Variants in AGPAT3 observed in about 807,000 individuals in gnomAD.
AGPAT3 encodes the protein 1-acylglycerol-3-phosphate O-acyltransferase 3, also known as 1-acyl-sn-glycerol-3-phosphate acyltransferase gamma.
In AGPAT3, 5 loss-of-function variants were observed where a neutral mutation model predicts 47.3. That is an observed-to-expected ratio of 0.11 (90% confidence interval 0.06 to 0.22). AGPAT3 has a LOEUF of 0.22. Ranked by LOEUF, AGPAT3 falls within the 10% of genes least tolerant of loss-of-function variation. AGPAT3 has a pLI of 1.00. For missense variants in AGPAT3, 315 were observed against 493.0 expected (o/e 0.64, Z 3.42); for synonymous variants, 212 against 208.3 (o/e 1.02, Z -0.15).
At chr21:43,979,155 C>G (rs185907020) in intron 8 of AGPAT3, among the ~76,000 whole-genome samples, 168 of 152,170 alleles carry the variant, frequency 1.1e-3, no homozygotes, top group African/African-American at 3.9e-3. Context: ...AAAAAATTAG[C>G]TGGGCCTGGT....
chr21:43,964,576 A>G (rs1331540396), intron 3 of AGPAT3, among the ~76,000 whole-genome samples: 1 of 152,216 alleles, frequency 6.6e-6, no homozygotes, highest in Non-Finnish European at 1.5e-5. Flanking sequence ...TTAGAAAAAG[A>G]TAAAGAAAAA....
At chr21:43,909,769 G>C (rs563293849) in intron 2 of AGPAT3, among the ~76,000 whole-genome samples, 4 of 152,224 alleles carry the variant, frequency 2.6e-5, no homozygotes, top group African/African-American at 9.6e-5. Flanking sequence ...GTGGATCTCC[G>C]AGAAGCCACT....
intron 1 of AGPAT3, among the ~76,000 whole-genome samples, chr21:43,876,125 C>G (rs2085727816): frequency 6.6e-6 from 1 of 152,040 alleles, no homozygotes; most frequent in East Asian, 1.9e-4. Context: ...TTATATTTTT[C>G]ATTCCTGAAA....
chr21:43,945,045 G>A (rs887743746), intron 2 of AGPAT3, among the ~76,000 whole-genome samples: 3 of 152,252 alleles, frequency 2.0e-5, no homozygotes, highest in African/African-American at 7.2e-5. Context: ...GGAGGGCAGA[G>A]CCGTAGCCAC....
intron 8 of AGPAT3, 109 bp downstream of exon 8, chr21:43,978,230 G>A (rs2089694906): frequency 2.7e-6 from 2 of 734,570 alleles, no homozygotes; most frequent in Admixed American, 2.4e-5. Flanking sequence ...AGACAGGAGT[G>A]CCACCCAGGT....
Position 43,986,697 on chromosome 21 carries a change from C to A in AGPAT3, c.*4305C>A, listed in dbSNP as rs1034805466. 6.6e-6 allele frequency among the ~76,000 whole-genome samples: 1 copy of A among 152,162 alleles called. No homozygotes were observed. The highest frequency in any genetic ancestry group is 2.4e-5 in the African/African-American group (1 of 41,440). ...AGGAAAATCTCTCTCTCTGGAGAACCCACACAAACCATTGACCTGAGTGCG... is the reference window on the plus strand; with the variant it reads ...AGGAAAATCTCTCTCTCTGGAGAACACACACAAACCATTGACCTGAGTGCG... On this transcript the variant is annotated 3_prime_UTR_variant, in exon 10 of 10. Transcript: ENST00000291572.
chr21:43,893,527 T>C (rs909777872), intron 1 of AGPAT3, among the ~76,000 whole-genome samples: 3 of 152,262 alleles, frequency 2.0e-5, no homozygotes, highest in African/African-American at 7.2e-5. Flanking sequence ...GCCAACTGTT[T>C]GGCCCAAGAG....
chr21:43,957,730 CCCCCTCCACACGGGGTTT>C lies in AGPAT3; in HGVS notation c.-48-1888_-48-1871del, dbSNP rs374946788. Among the ~76,000 whole-genome samples, 652 of 146,910 alleles carry C rather than the reference CCCCCTCCACACGGGGTTT, an allele frequency of 4.4e-3. 1 individual carries two copies. The highest frequency in any genetic ancestry group is 8.5e-3 in the African/African-American group (326 of 38,344). ...CCCTCCACACGGGGGTCTCTGGTTTCCCCCTCCACACGGGGTTTCCCCTCCACACGGGGGTCTCGGGTT... is the reference window on the plus strand; with the variant it reads ...CCCTCCACACGGGGGTCTCTGGTTTCCCCCTCCACACGGGGGTCTCGGGTT... On this transcript the variant is annotated intron_variant, in intron 2 of 9. Coordinates refer to ENST00000291572, the MANE Select transcript of AGPAT3 (RefSeq NM_020132.5).
chr21:43,978,028 ATCT>A lies in AGPAT3; in HGVS notation c.768-12_768-10del. ...CATGTGGTGATTCACCCTACCTTGA[ATCT>A]TCTTCATAAAACAGGAGATTTCCTC... is the stretch of plus-strand genomic sequence containing the variant. On this transcript the variant is annotated splice_polypyrimidine_tract_variant and intron_variant, in intron 7 of 9. Transcript: ENST00000291572. 1.9e-6 allele frequency: 3 copies of A among 1,607,376 alleles called. No individual in the cohort carries two copies. The highest frequency in any genetic ancestry group is 2.6e-6 in the Non-Finnish European group (3 of 1,175,660).
chr21:43,889,161 T>C (rs1484644503), intron 1 of AGPAT3, among the ~76,000 whole-genome samples: 4 of 152,214 alleles, frequency 2.6e-5, no homozygotes, highest in African/African-American at 4.8e-5. Flanking sequence ...TGACTTTTCT[T>C]GTCGTCCTGT....
chr21:43,913,613 G>T (rs963181058), intron 2 of AGPAT3, among the ~76,000 whole-genome samples: 1 of 152,194 alleles, frequency 6.6e-6, no homozygotes, highest in Non-Finnish European at 1.5e-5. Context: ...ACCCCAAAGA[G>T]ATTTTGCTTT....
intron 4 of AGPAT3, among the ~76,000 whole-genome samples, chr21:43,968,345 G>C: frequency 6.6e-6 from 1 of 150,888 alleles, no homozygotes; most frequent in South Asian, 2.1e-4. Context: ...GGAGAGGCTA[G>C]GGTGAGCACC....
chr21:43,966,028 C>T (rs548471624), intron 3 of AGPAT3: 3 of 152,340 alleles, frequency 2.0e-5, no homozygotes, highest in South Asian at 2.1e-4. Flanking sequence ...AATTTCATAT[C>T]GGGCCCAGGC....
intron 2 of AGPAT3, among the ~76,000 whole-genome samples, chr21:43,905,900 G>C (rs2086481781): frequency 6.6e-6 from 1 of 152,234 alleles, no homozygotes; most frequent in Non-Finnish European, 1.5e-5. Context: ...GAGGGCTTCT[G>C]ATCTGTCAGG....
rs80134781 is a variant in AGPAT3, at chr21:43,986,781, C to T, written c.*4389C>T. On this transcript the variant is annotated 3_prime_UTR_variant, in exon 10 of 10. Coordinates refer to ENST00000291572, the MANE Select transcript of AGPAT3 (RefSeq NM_020132.5). The stretch of plus-strand genomic sequence containing the variant: ...AAAATCTGCCATCGCTGACTGTTGG[C>T]CAGTTTCAAAGGGACCCATTGTATA... 3.5e-3 allele frequency among the ~76,000 whole-genome samples: 530 copies of T among 152,330 alleles called. 7 individuals carry two copies. The highest frequency in any genetic ancestry group is 0.011 in the African/African-American group (464 of 41,576).
intron 1 of AGPAT3, 147 bp downstream of exon 1, chr21:43,865,492 G>A (rs1349650880): frequency 6.8e-6 from 1 of 147,212 alleles, no homozygotes; most frequent in East Asian, 2.0e-4. Context: ...CGCCGCAATG[G>A]GCCGGCCGCG....
rs529945549 is a variant in AGPAT3 at position 43,935,219 on chromosome 21, A to G, written c.-48-24415A>G. Among the ~76,000 whole-genome samples the G allele has an allele frequency of 2.6e-5, 4 of 152,380 alleles. No homozygotes were observed. The South Asian group carries it at 6.2e-4, about 24-fold the overall frequency. ...TTGCTGTGCGGGCATCGGTTGTGTC[A>G]CACACTGGGCCGTGTGGTGGCCTTG... On this transcript the variant is annotated intron_variant, in intron 2 of 9. Transcript: ENST00000291572.
In AGPAT3 at chr21:43,933,197, C is replaced by T. The variant is rs915115039; in HGVS notation, c.-48-26437C>T. 1.3e-5 allele frequency among the ~76,000 whole-genome samples: 2 copies of T among 152,196 alleles called. No individual in the cohort carries two copies. Among genetic ancestry groups the T allele is most frequent in the African/African-American group, 2.4e-5 (1 of 41,440 alleles). ...AGCTCTTCGTTAACCTGCTGGCTGT[C>T]GGTGTGGCTCCTTCTGAGGCACAGC... is the stretch of plus-strand genomic sequence containing the variant. On this transcript the variant is annotated intron_variant, in intron 2 of 9. Transcript: ENST00000291572. The surrounding 1 kb of genome is among the most constrained non-coding windows in gnomAD (Gnocchi z 6.0).
chr21:43,940,802 C>T (rs939001925), intron 2 of AGPAT3, among the ~76,000 whole-genome samples: 3 of 152,224 alleles, frequency 2.0e-5, no homozygotes, highest in African/African-American at 7.2e-5. Context: ...TTATGGTGAT[C>T]GCAGGCGATT....
Sources: gnomAD v4.1 joint callset for allele counts (sites outside exome capture counted in the v4.1 genomes callset) on GRCh38, gnomAD v4.1.1 for gene constraint, Gnocchi (gnomAD v3.1) non-coding constraint, MANE v1.5 for transcripts, NCBI Gene and HGNC (gene_info 2026-07-23, HGNC 2026-07-21) for gene names.